The following MYRIP variants were observed in gnomAD, a reference collection of about 807,000 sequenced individuals.
The protein encoded by MYRIP is rab effector MyRIP.
A neutral mutation model predicts 98.0 loss-of-function variants in MYRIP; 49 were observed. The observed-to-expected ratio is 0.50, with a 90% CI of 0.40 to 0.63. The LOEUF is 0.63. MYRIP is among the 30% of genes least tolerant of loss of function. The pLI, the probability that MYRIP is intolerant of heterozygous loss-of-function variation, is 0.00. For missense variants in MYRIP, 1,004 were observed against 1,058.2 expected (o/e 0.95, Z 0.71); for synonymous variants, 404 against 409.5 (o/e 0.99, Z 0.16).
intron 2 of MYRIP, among the ~76,000 whole-genome samples, chr3:39,960,695 A>G (rs575032531): frequency 3.4e-4 from 52 of 152,312 alleles, no homozygotes; most frequent in Non-Finnish European, 6.0e-4. Flanking sequence ...CAAAGTTACA[A>G]CTTTAAAGAA....
intron 2 of MYRIP, among the ~76,000 whole-genome samples, chr3:40,043,518 A>C (rs1432529844): frequency 6.6e-6 from 1 of 152,016 alleles, no homozygotes; most frequent in Non-Finnish European, 1.5e-5. Context: ...ACTATGAATC[A>C]CCAGTGCCTC....
chr3:40,117,892 A>G (rs1949316420), intron 3 of MYRIP, among the ~76,000 whole-genome samples: 1 of 152,226 alleles, frequency 6.6e-6, no homozygotes, highest in African/African-American at 2.4e-5. Context: ...CTCCATAAAA[A>G]TAAAAACATC....
intron 9 of MYRIP, 123 bp from the exon 10 acceptor site, chr3:40,189,703 C>G: frequency 9.2e-7 from 1 of 1,086,528 alleles, no homozygotes; most frequent in South Asian, 1.6e-5. Flanking sequence ...CCTGGGCTTC[C>G]TAAAGGCAAC....
intron 2 of MYRIP, among the ~76,000 whole-genome samples, chr3:40,035,724 A>G (rs554683998): frequency 6.6e-6 from 1 of 152,058 alleles, no homozygotes; most frequent in Admixed American, 6.6e-5. Context: ...TAAAATTTCT[A>G]TTAAAATCCA....
intron 2 of MYRIP, among the ~76,000 whole-genome samples, chr3:39,905,552 A>G (rs1251805455): frequency 6.6e-6 from 1 of 152,112 alleles, no homozygotes; most frequent in Non-Finnish European, 1.5e-5. Flanking sequence ...TTCAGTTCTG[A>G]CAGTGCAACA....
At chr3:40,195,470 T>C (rs1474941209) in intron 10 of MYRIP, among the ~76,000 whole-genome samples, 1 of 152,106 alleles carries the variant, frequency 6.6e-6, no homozygotes, top group Non-Finnish European at 1.5e-5. Flanking sequence ...TTTCTTTTTA[T>C]TTTTCTGTAG....
At chr3:39,995,084 G>A (rs1946305686) in intron 2 of MYRIP, among the ~76,000 whole-genome samples, 1 of 152,050 alleles carries the variant, frequency 6.6e-6, no homozygotes, top group Non-Finnish European at 1.5e-5. Context: ...CACAAAGATG[G>A]GGGAAAAAAA....
At chr3:39,864,382 C>T (rs1041376479) in intron 1 of MYRIP, among the ~76,000 whole-genome samples, 2 of 152,084 alleles carry the variant, frequency 1.3e-5, no homozygotes, top group Admixed American at 6.6e-5. Context: ...CAATATGATT[C>T]TATACTTAGA....
intron 1 of MYRIP, among the ~76,000 whole-genome samples, chr3:39,862,027 A>G (rs1942486686): frequency 6.6e-6 from 1 of 152,178 alleles, no homozygotes; most frequent in African/African-American, 2.4e-5. Flanking sequence ...GCCATCCCCA[A>G]GACATGTAGT....
chr3:40,114,416 T>C (rs1949231347), intron 3 of MYRIP, among the ~76,000 whole-genome samples: 1 of 152,252 alleles, frequency 6.6e-6, no homozygotes, highest in South Asian at 2.1e-4. Context: ...TGCCTAACAA[T>C]ACATTTCTTG....
Position 40,169,928 on chromosome 3 carries a change from T to C in MYRIP, c.730-22T>C, listed in dbSNP as rs747518802. 3.1e-6 allele frequency: 5 copies of C among 1,613,406 alleles called. No homozygotes were observed. The Admixed American group carries it at 5.0e-5, about 16-fold the overall frequency. ...GGAGGCCTCTCCAATAACTTGCCCC[T>C]TTTTTGTCCTCCCCTCCCCAGATTA... On this transcript the variant is annotated intron_variant, in intron 7 of 16. Coordinates refer to ENST00000302541, the MANE Select transcript of MYRIP (RefSeq NM_015460.4).
At chr3:39,969,183 G>A (rs574391267) in intron 2 of MYRIP, among the ~76,000 whole-genome samples, 25 of 152,214 alleles carry the variant, frequency 1.6e-4, no homozygotes, top group African/African-American at 5.5e-4. Context: ...TTTGTATCCC[G>A]CAACTTTGCT....
intron 3 of MYRIP, among the ~76,000 whole-genome samples, chr3:40,044,617 G>T (rs2125832869): frequency 1.3e-5 from 2 of 152,304 alleles, no homozygotes; most frequent in South Asian, 4.1e-4. Flanking sequence ...TAGGAATTAT[G>T]CTGGGTGCAG....
rs1948474774 is a variant in MYRIP at position 40,081,314 on chromosome 3, C to CAA, written c.332+37044_332+37045dup. ...CTCAATTTTTGACTGCTTGTTATAT[C>CAA]AATTACTGAAAAAGGCATTTCAAAA... On this transcript the variant is annotated intron_variant, in intron 3 of 16. Coordinates refer to ENST00000302541, the MANE Select transcript of MYRIP (RefSeq NM_015460.4). Among the ~76,000 whole-genome samples the CAA allele has an allele frequency of 2.0e-5, 3 of 152,144 alleles. No homozygotes were observed. In the South Asian group the frequency reaches 6.2e-4, roughly 31 times the overall value.
At chr3:40,170,759 G>T (rs990381733) in intron 8 of MYRIP, among the ~76,000 whole-genome samples, 7 of 152,214 alleles carry the variant, frequency 4.6e-5, no homozygotes, top group African/African-American at 1.7e-4. Flanking sequence ...GGCCAGTAGG[G>T]CTCTGGTTCT....
chr3:39,889,731 G>A (rs1943431785), intron 1 of MYRIP, among the ~76,000 whole-genome samples: 1 of 152,000 alleles, frequency 6.6e-6, no homozygotes, highest in South Asian at 2.1e-4. Context: ...TTATAATGTT[G>A]TTTATTATGC....
intron 4 of MYRIP, among the ~76,000 whole-genome samples, chr3:40,156,105 C>G (rs1354816583): frequency 2.6e-5 from 4 of 151,828 alleles, no homozygotes; most frequent in Admixed American, 2.0e-4. Flanking sequence ...AGGTTTTCTT[C>G]TAGGGTTTTT....
In MYRIP at chr3:40,036,302, C is replaced by CAAAAAA. The variant is rs71091786; in HGVS notation, c.111-7731_111-7726dup. 6.7e-4 allele frequency among the ~76,000 whole-genome samples: 43 copies of CAAAAAA among 64,248 alleles called. 1 individual carries two copies. Among genetic ancestry groups the CAAAAAA allele is most frequent in the East Asian group, 2.0e-3 (5 of 2,488 alleles). The allele number at this position is 64,248 out of a possible 152,430, so 42.1% of individuals were successfully genotyped here. On this transcript the variant is annotated intron_variant, in intron 2 of 16. Coordinates refer to ENST00000302541, the MANE Select transcript of MYRIP (RefSeq NM_015460.4). ...GACTTCCCATTGCAACAACTGATAC[C>CAAAAAA]AAAAAAAAAAAAAAAAAAAAAACTT...
intron 2 of MYRIP, among the ~76,000 whole-genome samples, chr3:39,990,913 A>G (rs1349548952): frequency 6.6e-6 from 1 of 152,196 alleles, no homozygotes; most frequent in Non-Finnish European, 1.5e-5. Context: ...AGAAAACCAA[A>G]CACTGCATGT....
Sources: gnomAD v4.1 joint callset for allele counts (sites outside exome capture counted in the v4.1 genomes callset) on GRCh38, gnomAD v4.1.1 for gene constraint, MANE v1.5 for transcripts, NCBI Gene and HGNC (gene_info 2026-07-23, HGNC 2026-07-21) for gene names.